Variants in SBF2 observed in about 807,000 individuals in gnomAD.
The protein encoded by SBF2 is myotubularin-related protein 13.
In SBF2, 112 loss-of-function variants were observed where a neutral mutation model predicts 225.2. The ratio of observed to expected loss-of-function variants is 0.50; its 90% confidence interval spans 0.43 to 0.58. The LOEUF (loss-of-function observed/expected upper bound fraction) is 0.58. SBF2 is among the 20% of genes least tolerant of loss of function. The pLI is 0.00. For missense variants in SBF2, 1,996 were observed against 2,206.2 expected, an observed-to-expected ratio of 0.90 and a Z score of 1.91; for synonymous variants, 763 against 773.3, an observed-to-expected ratio of 0.99 and a Z score of 0.22.
Position 9,789,315 on chromosome 11 carries a change from T to C in SBF2, c.4726A>G (p.Ser1576Gly). The C allele has an allele frequency of 1.2e-6, 2 of 1,614,108 alleles. No homozygotes were observed. Among genetic ancestry groups the C allele is most frequent in the Non-Finnish European group, 8.5e-7 (1 of 1,179,968 alleles). ...ATGTAGTAATCCCACTTCTTGAGGC[T>C]AGAGACGTTTACATTGGGCTTTAGA... ...EALKPNVNVS[S>G]LKKWDYYIEE... The change falls in exon 35 of 40, where the codon AGC becomes GGC. Residue 1576 changes from serine to glycine, a missense_variant. Transcript: ENST00000256190.
chr11:10,273,649 G>A (rs1226030664), intron 1 of SBF2, among the ~76,000 whole-genome samples: 1 of 152,200 alleles, frequency 6.6e-6, no homozygotes, highest in East Asian at 1.9e-4. Flanking sequence ...ACTGCTGTAT[G>A]TGTGTATCTC....
At chr11:9,947,363 T>C (rs1309667521) in intron 16 of SBF2, among the ~76,000 whole-genome samples, 1 of 152,180 alleles carries the variant, frequency 6.6e-6, no homozygotes, top group Non-Finnish European at 1.5e-5. Context: ...TCAAGTAAGA[T>C]ATAGCAGCTG....
Position 9,780,291 on chromosome 11 carries a change from G to T in SBF2, c.*127C>A, listed in dbSNP as rs1241848517. ...AGATATAGCAACCCCTGCAAGAGGG[G>T]ACTGGGCAGGAGAACCTCAGGCCCT... On this transcript the variant is annotated 3_prime_UTR_variant, in exon 40 of 40. Coordinates refer to ENST00000256190, the MANE Select transcript of SBF2 (RefSeq NM_030962.4). 1.4e-5 allele frequency: 11 copies of T among 790,978 alleles called. No individual in the cohort carries two copies. Among genetic ancestry groups the T allele is most frequent in the Non-Finnish European group, 1.9e-5 (9 of 466,218 alleles). 49.0% of individuals were successfully genotyped at this position (790,978 alleles called of 1,614,324 possible).
chr11:10,244,097 T>A (rs954958943), intron 1 of SBF2, among the ~76,000 whole-genome samples: 1 of 152,214 alleles, frequency 6.6e-6, no homozygotes, highest in African/African-American at 2.4e-5. Flanking sequence ...CAAGTGGTAC[T>A]TCCCTCCTGG....
chr11:9,934,389 T>C (rs571387147), intron 16 of SBF2, among the ~76,000 whole-genome samples: 1 of 152,296 alleles, frequency 6.6e-6, no homozygotes, highest in African/African-American at 2.4e-5. Context: ...AAAGAGGAGC[T>C]GGTACCATTC....
exon 1 of SBF2, chr11:10,304,670 G>A (rs1219018536): frequency 1.3e-5 from 2 of 152,312 alleles, no homozygotes; most frequent in Non-Finnish European, 2.9e-5. Context: ...CCAGGTCCAG[G>A]GCTCGGGCCA....
intron 2 of SBF2, among the ~76,000 whole-genome samples, chr11:10,191,110 T>C (rs1591179329): frequency 6.6e-6 from 1 of 152,190 alleles, no homozygotes; most frequent in African/African-American, 2.4e-5. Context: ...CATATTAACA[T>C]GAATGTTACA....
chr11:9,928,076 G>A (rs558587400), intron 16 of SBF2, among the ~76,000 whole-genome samples: 69 of 152,168 alleles, frequency 4.5e-4, no homozygotes, highest in African/African-American at 1.6e-3. Flanking sequence ...ATGATACCAA[G>A]TGCATATCTA....
chr11:10,277,504 T>C (rs953593264), intron 1 of SBF2, among the ~76,000 whole-genome samples: 1 of 152,246 alleles, frequency 6.6e-6, no homozygotes, highest in Non-Finnish European at 1.5e-5. Flanking sequence ...CAAACTACTA[T>C]TATTATAATA....
intron 2 of SBF2, among the ~76,000 whole-genome samples, chr11:10,125,024 CT>C (rs1379364144): frequency 1.3e-5 from 2 of 149,248 alleles, no homozygotes; most frequent in Non-Finnish European, 3.0e-5. Context: ...AGGAGAATTG[CT>C]TGAACCCGGG....
At chr11:10,276,195 G>A (rs1353604796) in intron 1 of SBF2, among the ~76,000 whole-genome samples, 3 of 152,128 alleles carry the variant, frequency 2.0e-5, no homozygotes, top group Non-Finnish European at 2.9e-5. Context: ...ATTTTCAAAA[G>A]CATTTTCAAT....
chr11:9,864,176 A>T (rs905586986), intron 17 of SBF2, among the ~76,000 whole-genome samples: 2 of 152,204 alleles, frequency 1.3e-5, no homozygotes, highest in Non-Finnish European at 2.9e-5. Context: ...GGATGACTAT[A>T]AGCATCTTCT....
intron 2 of SBF2, among the ~76,000 whole-genome samples, chr11:10,061,973 A>G (rs1290551372): frequency 6.6e-6 from 1 of 152,208 alleles, no homozygotes; most frequent in African/African-American, 2.4e-5. Flanking sequence ...CAAAAATAGC[A>G]TGGTACTGGT....
At chr11:10,166,435 T>G (rs1405433358) in intron 2 of SBF2, among the ~76,000 whole-genome samples, 1 of 152,080 alleles carries the variant, frequency 6.6e-6, no homozygotes, top group Non-Finnish European at 1.5e-5. Context: ...TACAAATAAC[T>G]GTCAAGCGGG....
chr11:10,246,059 A>G (rs1959761025), intron 1 of SBF2, among the ~76,000 whole-genome samples: 1 of 152,204 alleles, frequency 6.6e-6, no homozygotes, highest in Non-Finnish European at 1.5e-5. Flanking sequence ...CTATTGTCCG[A>G]CATACTGCCT....
intron 13 of SBF2, among the ~76,000 whole-genome samples, chr11:9,988,898 C>T (rs1202541761): frequency 2.0e-5 from 3 of 152,160 alleles, no homozygotes; most frequent in Admixed American, 6.5e-5. Context: ...AATCACACTA[C>T]GGGGTTTCAC....
chr11:9,843,241 G>A (rs1482734620), intron 24 of SBF2, among the ~76,000 whole-genome samples: 1 of 152,182 alleles, frequency 6.6e-6, no homozygotes, highest in East Asian at 1.9e-4. Context: ...GGCCTTCATA[G>A]TTGGCAACAC....
In SBF2 at chr11:9,852,664, G is replaced by A. The variant is rs773761287; in HGVS notation, c.2610+12C>T. The A allele has an allele frequency of 4.4e-6, 7 of 1,598,248 alleles. No individual in the cohort carries two copies. The Admixed American group carries it at 1.2e-4, about 27-fold the overall frequency. On this transcript the variant is annotated intron_variant, in intron 21 of 39. Coordinates refer to ENST00000256190, the MANE Select transcript of SBF2 (RefSeq NM_030962.4). ...AGAGGCTATACCCTGAAAGCATGTA[G>A]TCTGGAATTACCTTCTGAATAGGCG...
intron 2 of SBF2, among the ~76,000 whole-genome samples, chr11:10,131,648 G>A (rs1954059778): frequency 6.6e-6 from 1 of 152,000 alleles, no homozygotes; most frequent in African/African-American, 2.4e-5. Context: ...TGGTCAGGCT[G>A]GAGGCTGGTC....
Sources: allele counts gnomAD v4.1 joint callset (sites outside exome capture counted in the v4.1 genomes callset), GRCh38; gene constraint gnomAD v4.1.1; transcripts MANE v1.5; gene names NCBI Gene and HGNC (gene_info 2026-07-23, HGNC 2026-07-21).